Variants in C12orf42 observed in about 807,000 individuals in gnomAD.
C12orf42 encodes the protein chromosome 12 open reading frame 42.
Under a neutral mutation model 21.6 loss-of-function variants are expected in C12orf42, and 25 were observed. That is an observed-to-expected ratio of 1.16 (90% confidence interval 0.84 to 1.62). The LOEUF (loss-of-function observed/expected upper bound fraction) is 1.62. Ranked by LOEUF, C12orf42 falls within the 40% of genes most tolerant of loss-of-function variation. The pLI is 0.00. For missense variants in C12orf42, 483 were observed against 459.3 expected (o/e 1.05, Z -0.47); for synonymous variants, 174 against 175.0 (o/e 0.99, Z 0.05).
the C12orf42 span, among the ~76,000 whole-genome samples, chr12:103,501,519 G>A: frequency 3.3e-5 from 5 of 152,270 alleles, no homozygotes; most frequent in South Asian, 6.2e-4. Context: ...CAGCTCTGAC[G>A]ATCCAGTGCC....
chr12:103,480,505 T>C (rs1305111145), intron 1 of C12orf42, among the ~76,000 whole-genome samples: 1 of 151,696 alleles, frequency 6.6e-6, no homozygotes, highest in Non-Finnish European at 1.5e-5. Context: ...TGGGGGCTTA[T>C]TCTGCTATTC....
At chr12:103,259,519 T>G (rs1046458644) in intron 10 of C12orf42, among the ~76,000 whole-genome samples, 1 of 152,172 alleles carries the variant, frequency 6.6e-6, no homozygotes. Flanking sequence ...CCTCAGGTGA[T>G]CCACCTGCCT....
At chr12:103,196,978 G>A in the C12orf42 span, among the ~76,000 whole-genome samples, 3 of 152,126 alleles carry the variant, frequency 2.0e-5, no homozygotes, top group Non-Finnish European at 2.9e-5. Flanking sequence ...TGGTTGGTAT[G>A]TAGACTTAAT....
At chr12:103,063,092 C>G in the C12orf42 span, among the ~76,000 whole-genome samples, 1 of 152,164 alleles carries the variant, frequency 6.6e-6, no homozygotes, top group African/African-American at 2.4e-5. Flanking sequence ...TTTGGTGATT[C>G]TATACATAAT....
At chr12:103,184,717 C>A in the C12orf42 span, among the ~76,000 whole-genome samples, 4 of 138,322 alleles carry the variant, frequency 2.9e-5, no homozygotes, top group East Asian at 2.1e-4. Context: ...TGTCACCCCC[C>A]CCCCCCCAAA....
At chr12:103,546,565 C>T in the C12orf42 span, among the ~76,000 whole-genome samples, 5 of 152,062 alleles carry the variant, frequency 3.3e-5, no homozygotes, top group African/African-American at 1.2e-4. Context: ...GAACCTCAGT[C>T]GCCTGATGGT....
chr12:103,283,762 C>T (rs1328988383), intron 4 of C12orf42, among the ~76,000 whole-genome samples: 1 of 152,180 alleles, frequency 6.6e-6, no homozygotes, highest in Non-Finnish European at 1.5e-5. Context: ...TGTCTTTGTG[C>T]ACCAATTTGT....
intron 2 of C12orf42, among the ~76,000 whole-genome samples, chr12:103,413,681 C>T (rs775260265): frequency 1.3e-5 from 2 of 151,990 alleles, no homozygotes; most frequent in Admixed American, 6.6e-5. Context: ...CATTCTTATG[C>T]CTTTGTGTCC....
chr12:103,526,406 A>T, the C12orf42 span, among the ~76,000 whole-genome samples: 7 of 152,202 alleles, frequency 4.6e-5, no homozygotes, highest in Non-Finnish European at 1.0e-4. Context: ...TAGTTGATAG[A>T]GTGAAAAGAA....
chr12:103,105,487 T>C, the C12orf42 span, among the ~76,000 whole-genome samples: 1 of 151,988 alleles, frequency 6.6e-6, no homozygotes, highest in African/African-American at 2.4e-5. Flanking sequence ...CAATAGACAC[T>C]ATGGACTATG....
At chr12:103,049,501 C>A in the C12orf42 span, among the ~76,000 whole-genome samples, 3 of 152,116 alleles carry the variant, frequency 2.0e-5, no homozygotes, top group Admixed American at 6.6e-5. Flanking sequence ...TCTGTCCTTG[C>A]CCCATACTTC....
At chr12:103,237,143 T>C (rs2033493442), downstream of C12orf42, among the ~76,000 whole-genome samples, 1 of 152,198 alleles carries the variant, frequency 6.6e-6, no homozygotes, top group Non-Finnish European at 1.5e-5. Context: ...CTCTGAAATA[T>C]ATCACAGGCA....
At chr12:103,127,139 C>A in the C12orf42 span, among the ~76,000 whole-genome samples, 2 of 152,166 alleles carry the variant, frequency 1.3e-5, no homozygotes, top group Non-Finnish European at 2.9e-5. Flanking sequence ...GATGGCATGA[C>A]CTTTCTGGAA....
intron 2 of C12orf42, among the ~76,000 whole-genome samples, chr12:103,455,173 A>C (rs931447194): frequency 6.6e-6 from 1 of 152,184 alleles, no homozygotes; most frequent in Non-Finnish European, 1.5e-5. Context: ...ATTATATAGC[A>C]AAGTGGCTAT....
At chr12:103,493,744 A>G (rs1955334858) in intron 1 of C12orf42, among the ~76,000 whole-genome samples, 1 of 150,702 alleles carries the variant, frequency 6.6e-6, no homozygotes, top group Admixed American at 6.6e-5. Context: ...AAAAAACCTT[A>G]GAGATAAGAA....
chr12:103,184,545 T>C, the C12orf42 span, among the ~76,000 whole-genome samples: 2 of 152,112 alleles, frequency 1.3e-5, no homozygotes, highest in Non-Finnish European at 2.9e-5. Flanking sequence ...AACTGAAAGC[T>C]ATAGATGAGG....
intron 2 of C12orf42, among the ~76,000 whole-genome samples, chr12:103,412,756 T>C (rs1647562398): frequency 6.6e-6 from 1 of 152,256 alleles, no homozygotes. Context: ...TGGCTCCTTA[T>C]ATGTCTTCTT....
chr12:103,124,155 C>CTTTTTTT, the C12orf42 span, among the ~76,000 whole-genome samples: 17 of 75,988 alleles, frequency 2.2e-4, no homozygotes, highest in East Asian at 7.2e-4. Context: ...CAAACATAAG[C>CTTTTTTT]TTTTTTTTTT....
the C12orf42 span, among the ~76,000 whole-genome samples, chr12:103,176,622 T>G: frequency 1.3e-5 from 2 of 152,268 alleles, no homozygotes; most frequent in Non-Finnish European, 2.9e-5. Flanking sequence ...CATTTTGCAA[T>G]AAGGAAACTG....
Sources: allele counts gnomAD v4.1 joint callset (sites outside exome capture counted in the v4.1 genomes callset), GRCh38; gene constraint gnomAD v4.1.1; transcripts MANE v1.5; gene names NCBI Gene and HGNC (gene_info 2026-07-23, HGNC 2026-07-21).